Variants in SASH1 observed in about 807,000 individuals in gnomAD.
SASH1 encodes the protein SAM and SH3 domain-containing protein 1.
A neutral mutation model predicts 125.2 loss-of-function variants in SASH1; 44 were observed. The ratio of observed to expected loss-of-function variants is 0.35; its 90% confidence interval spans 0.28 to 0.45. The LOEUF (loss-of-function observed/expected upper bound fraction) is 0.45, where lower values mean the gene tolerates loss of function less well. SASH1 is among the 20% of genes least tolerant of loss of function. SASH1 has a pLI of 1.00. For synonymous variants in SASH1, 639 were observed against 649.1 expected, an observed-to-expected ratio of 0.98 and a Z score of 0.24; for missense variants, 1,426 against 1,614.5, an observed-to-expected ratio of 0.88 and a Z score of 2.00.
At chr6:148,240,866 A>G in the SASH1 span, among the ~76,000 whole-genome samples, 1 of 152,206 alleles carries the variant, frequency 6.6e-6, no homozygotes, top group Non-Finnish European at 1.5e-5. Context: ...TGTGCTCCCC[A>G]TGAAAGAAAA....
At chr6:148,246,612 G>C in the SASH1 span, among the ~76,000 whole-genome samples, 5 of 152,148 alleles carry the variant, frequency 3.3e-5, no homozygotes, top group African/African-American at 7.2e-5. Context: ...TAAAATAATA[G>C]AGAGACTATT....
Position 148,551,809 on chromosome 6 carries a change from T to A in SASH1, c.*3251T>A, listed in dbSNP as rs1161301459. 1 of 152,656 alleles carries A rather than the reference T, an allele frequency of 6.6e-6. No homozygotes were observed. Among genetic ancestry groups the A allele is most frequent in the African/African-American group, 2.4e-5 (1 of 41,458 alleles). 9.5% of individuals were successfully genotyped at this position (152,656 alleles called of 1,614,324 possible). A position where few individuals can be genotyped will look rare whatever the true frequency, so the allele number is the denominator to read the frequency against. ...TCAATATTTAAATAACTTATTTTTC[T>A]CCATTGCTGTTCTTAAAAACATTGT... On this transcript the variant is annotated 3_prime_UTR_variant, in exon 20 of 20. Transcript: ENST00000367467.
chr6:148,450,588 TTAACACGTATC>T (rs1777049153), intron 4 of SASH1, among the ~76,000 whole-genome samples: 1 of 152,104 alleles, frequency 6.6e-6, no homozygotes, highest in Non-Finnish European at 1.5e-5. Flanking sequence ...TTAATGTACT[TTAACACGTATC>T]ATATCATCAT....
intron 8 of SASH1, among the ~76,000 whole-genome samples, chr6:148,502,279 A>G (rs1309464206): frequency 1.3e-5 from 2 of 152,104 alleles, no homozygotes; most frequent in African/African-American, 2.4e-5. Context: ...TCAGAGGGCA[A>G]TGATGTCACC....
Position 148,365,411 on chromosome 6 carries a change from T to TG in SASH1, c.156+22188_156+22189insG, listed in dbSNP as rs1319889950. On this transcript the variant is annotated intron_variant, in intron 1 of 19. Transcript: ENST00000367467. ...TTTATTGGATCAAATTCTTTTACTA[T>TG]CTTTTTTTTTTTTTTAACTGAGACA... is the stretch of plus-strand genomic sequence containing the variant. 4.1e-3 allele frequency among the ~76,000 whole-genome samples: 535 copies of TG among 130,062 alleles called. 3 individuals carry two copies. The highest frequency in any genetic ancestry group is 0.016 in the African/African-American group (515 of 33,156). 85.3% of individuals were successfully genotyped at this position (130,062 alleles called of 152,430 possible). A position where few individuals can be genotyped will look rare whatever the true frequency, so the allele number is the denominator to read the frequency against.
intron 1 of SASH1, among the ~76,000 whole-genome samples, chr6:148,289,415 T>C (rs949298700): frequency 2.9e-4 from 44 of 152,346 alleles, no homozygotes; most frequent in African/African-American, 1.1e-3. Flanking sequence ...CTACAGCCTC[T>C]AACCTCATTT....
chr6:148,383,795 A>C (rs1783250703), intron 1 of SASH1, among the ~76,000 whole-genome samples: 1 of 152,184 alleles, frequency 6.6e-6, no homozygotes, highest in African/African-American at 2.4e-5. Flanking sequence ...AATTGGGATA[A>C]ATCTCAGAAA....
intron 7 of SASH1, among the ~76,000 whole-genome samples, chr6:148,481,562 G>A (rs539328630): frequency 1.6e-4 from 25 of 152,268 alleles, no homozygotes; most frequent in African/African-American, 6.0e-4. Flanking sequence ...GCACAGAGGC[G>A]ATTGCAGGGT....
intron 1 of SASH1, among the ~76,000 whole-genome samples, chr6:148,299,984 C>T (rs114264190): frequency 0.018 from 2,724 of 152,254 alleles, 75 homozygotes; most frequent in African/African-American, 0.062. Context: ...CCTGTTTCCA[C>T]TGATGCATGG....
At chr6:148,304,751 G>A (rs1780077182) in intron 1 of SASH1, among the ~76,000 whole-genome samples, 2 of 152,224 alleles carry the variant, frequency 1.3e-5, no homozygotes, top group South Asian at 4.1e-4. Context: ...ATTCTGGCCA[G>A]GTGCCATGGC....
intron 1 of SASH1, among the ~76,000 whole-genome samples, chr6:148,369,985 A>AG (rs1782648069): frequency 6.7e-6 from 1 of 150,170 alleles, no homozygotes; most frequent in Non-Finnish European, 1.5e-5. Flanking sequence ...AAAAAAAAAA[A>AG]AGGAAAGAAA....
chr6:148,343,522 A>T (rs1282649049), intron 1 of SASH1, among the ~76,000 whole-genome samples: 1 of 152,240 alleles, frequency 6.6e-6, no homozygotes, highest in African/African-American at 2.4e-5. Context: ...AGAGGCCTTC[A>T]AAAAGTAGAT....
the SASH1 span, among the ~76,000 whole-genome samples, chr6:148,233,171 G>A: frequency 8.5e-4 from 128 of 150,020 alleles, no homozygotes; most frequent in African/African-American, 2.7e-3. Context: ...CCGAGATCGC[G>A]CCATTGCACT....
intron 1 of SASH1, among the ~76,000 whole-genome samples, chr6:148,378,272 T>C (rs1782990187): frequency 6.6e-6 from 1 of 151,988 alleles, no homozygotes; most frequent in Non-Finnish European, 1.5e-5. Context: ...CAGGCTAGTC[T>C]CAAACTCCCA....
intron 8 of SASH1, among the ~76,000 whole-genome samples, chr6:148,504,710 G>GGGA (rs1779705749): frequency 6.6e-6 from 1 of 152,098 alleles, no homozygotes; most frequent in Non-Finnish European, 1.5e-5. Context: ...AGTATTTATG[G>GGGA]GTGGGCACTA....
intron 1 of SASH1, among the ~76,000 whole-genome samples, chr6:148,363,554 C>T (rs939265114): frequency 2.5e-4 from 38 of 152,216 alleles, no homozygotes; most frequent in African/African-American, 7.9e-4. Flanking sequence ...GCGCCCGCCA[C>T]CACACCCGGC....
the SASH1 span, among the ~76,000 whole-genome samples, chr6:148,205,122 A>C: frequency 2.0e-5 from 3 of 152,158 alleles, no homozygotes; most frequent in East Asian, 1.9e-4. Context: ...TCAGTCCTTT[A>C]AGTACCTGCT....
chr6:148,347,837 G>A (rs1271534486), intron 1 of SASH1, among the ~76,000 whole-genome samples: 4 of 152,050 alleles, frequency 2.6e-5, no homozygotes, highest in African/African-American at 4.8e-5. Context: ...GGATTGAAGC[G>A]CCCTTGGAAA....
chr6:148,538,690 G>A (rs527952596), intron 16 of SASH1, among the ~76,000 whole-genome samples: 6 of 152,282 alleles, frequency 3.9e-5, no homozygotes, highest in East Asian at 3.9e-4. Flanking sequence ...GTGGACAGCC[G>A]GAGAGCTGCC....
Sources: allele counts gnomAD v4.1 joint callset (sites outside exome capture counted in the v4.1 genomes callset), GRCh38; gene constraint gnomAD v4.1.1; transcripts MANE v1.5; gene names NCBI Gene and HGNC (gene_info 2026-07-23, HGNC 2026-07-21).